SLC35F1: variants seen among roughly 807,000 people sequenced by gnomAD.
SLC35F1 encodes the protein solute carrier family 35 member F1, also known as chromosome 6 open reading frame 169.
In SLC35F1, 14 loss-of-function variants were observed where a neutral mutation model predicts 48.7. The observed-to-expected ratio is 0.29, with a 90% CI of 0.19 to 0.45. SLC35F1 has a LOEUF of 0.45. Among genes scored for constraint, SLC35F1 ranks in the 20% least tolerant of loss-of-function variants. The probability of loss-of-function intolerance (pLI) is 1.00; values close to 1 mark genes in which losing one functional copy is unlikely to be tolerated. For synonymous variants in SLC35F1, 190 were observed against 202.2 expected (o/e 0.94, Z 0.51); for missense variants, 404 against 500.0 (o/e 0.81, Z 1.83).
In SLC35F1 at chr6:118,260,182, A is replaced by C. The variant is rs958247680; in HGVS notation, c.478-6813A>C. On this transcript the variant is annotated intron_variant, in intron 3 of 7. Transcript: ENST00000360388. ...ATAGTCAGAATAGGTAAATCCATAGAGACAGAAAGTAGATTCATGTTTGCC... is the reference window on the plus strand; with the variant it reads ...ATAGTCAGAATAGGTAAATCCATAGCGACAGAAAGTAGATTCATGTTTGCC... Among the ~76,000 whole-genome samples, 8 of 152,144 alleles carry C rather than the reference A, an allele frequency of 5.3e-5. No individual in the cohort carries two copies. The South Asian group carries it at 1.0e-3, about 20-fold the overall frequency.
chr6:118,206,498 T>C (rs1774937294), intron 2 of SLC35F1, among the ~76,000 whole-genome samples: 2 of 152,238 alleles, frequency 1.3e-5, no homozygotes, highest in Admixed American at 1.3e-4. Context: ...TAAAATCAGA[T>C]TTTGAAGCTA....
At chr6:118,248,280 G>C (rs1236009364) in intron 3 of SLC35F1, among the ~76,000 whole-genome samples, 1 of 152,116 alleles carries the variant, frequency 6.6e-6, no homozygotes, top group Non-Finnish European at 1.5e-5. Flanking sequence ...AACATAGCTG[G>C]AACAGTAAGC....
intron 1 of SLC35F1, among the ~76,000 whole-genome samples, chr6:118,032,221 T>C (rs1299996848): frequency 6.6e-6 from 1 of 152,206 alleles, no homozygotes; most frequent in Non-Finnish European, 1.5e-5. Context: ...ATTTATATTT[T>C]ATAGTCTGAT....
intron 1 of SLC35F1, among the ~76,000 whole-genome samples, chr6:117,988,374 G>T (rs1192344294): frequency 6.6e-6 from 1 of 152,118 alleles, no homozygotes; most frequent in Non-Finnish European, 1.5e-5. Context: ...TCATAATTCA[G>T]TTAACTTTCT....
intron 1 of SLC35F1, among the ~76,000 whole-genome samples, chr6:117,973,899 G>A (rs574408004): frequency 1.3e-5 from 2 of 152,268 alleles, no homozygotes; most frequent in East Asian, 3.9e-4. Flanking sequence ...CAAAGTTATG[G>A]TTTCTTCCAG....
chr6:118,072,436 C>A (rs915008362), intron 1 of SLC35F1, among the ~76,000 whole-genome samples: 36 of 152,114 alleles, frequency 2.4e-4, no homozygotes, highest in African/African-American at 7.5e-4. Context: ...TGGTGGCAGG[C>A]GCCTGTAGTC....
intron 7 of SLC35F1, among the ~76,000 whole-genome samples, chr6:118,294,303 GA>G (rs1281552577): frequency 6.6e-6 from 1 of 152,130 alleles, no homozygotes; most frequent in Admixed American, 6.5e-5. Context: ...TGATTTCTTT[GA>G]TTCCTTTATT....
At chr6:118,273,242 G>T (rs1204826649) in intron 4 of SLC35F1, among the ~76,000 whole-genome samples, 1 of 152,226 alleles carries the variant, frequency 6.6e-6, no homozygotes, top group East Asian at 1.9e-4. Flanking sequence ...TAACAGTGTG[G>T]CGTTTGAAAA....
intron 1 of SLC35F1, among the ~76,000 whole-genome samples, chr6:118,081,393 G>A (rs1015167907): frequency 6.6e-6 from 1 of 152,050 alleles, no homozygotes; most frequent in South Asian, 2.1e-4. Context: ...CACTGTGGGA[G>A]GCTGAGATGG....
intron 2 of SLC35F1, among the ~76,000 whole-genome samples, chr6:118,162,416 A>T (rs1166788887): frequency 3.9e-5 from 6 of 152,142 alleles, no homozygotes; most frequent in Admixed American, 3.9e-4. Context: ...AAATTTTGGG[A>T]GGATGGAAAT....
rs180843084 is a variant in SLC35F1 at position 118,049,112 on chromosome 6, G to A, written c.174-105333G>A. On this transcript the variant is annotated intron_variant, in intron 1 of 7. Transcript: ENST00000360388. ...AAACCTGACAAAAACAAGCAATGGGGAAAGGATTCCCTATTTAATAAATGG... is the reference window on the plus strand; with the variant it reads ...AAACCTGACAAAAACAAGCAATGGGAAAAGGATTCCCTATTTAATAAATGG... Among the ~76,000 whole-genome samples the A allele has an allele frequency of 4.8e-3, 735 of 152,256 alleles. 6 individuals are homozygous for A. Among genetic ancestry groups the A allele is most frequent in the Middle Eastern group, 0.01 (3 of 294 alleles).
At chr6:117,986,576 C>A (rs1039817069) in intron 1 of SLC35F1, among the ~76,000 whole-genome samples, 1 of 152,196 alleles carries the variant, frequency 6.6e-6, no homozygotes, top group Non-Finnish European at 1.5e-5. Context: ...TCCATCCAAG[C>A]CCTGTTCCGG....
intron 1 of SLC35F1, among the ~76,000 whole-genome samples, chr6:118,027,881 A>G (rs973629408): frequency 6.6e-6 from 1 of 152,124 alleles, no homozygotes; most frequent in South Asian, 2.1e-4. Flanking sequence ...TCAGGGTGGT[A>G]TGGCAGTAGA....
At chr6:117,927,539 T>G (rs1776044385) in intron 1 of SLC35F1, among the ~76,000 whole-genome samples, 1 of 152,132 alleles carries the variant, frequency 6.6e-6, no homozygotes, top group African/African-American at 2.4e-5. Flanking sequence ...TGGGAGATGC[T>G]GGGAGCAGGG....
At chr6:118,220,334 G>C (rs894278766) in intron 2 of SLC35F1, among the ~76,000 whole-genome samples, 1 of 152,006 alleles carries the variant, frequency 6.6e-6, no homozygotes, top group African/African-American at 2.4e-5. Context: ...GGCAGGAATC[G>C]GGGGAAGTCT....
intron 4 of SLC35F1, 59 bp from the exon 5 acceptor site, chr6:118,275,400 T>C: frequency 6.5e-7 from 1 of 1,543,924 alleles, no homozygotes; most frequent in South Asian, 1.2e-5. Context: ...CGATGCCAGA[T>C]TCTTGTTAAG....
At chr6:118,003,429 C>T (rs1241704878) in intron 1 of SLC35F1, among the ~76,000 whole-genome samples, 2 of 152,196 alleles carry the variant, frequency 1.3e-5, no homozygotes, top group Non-Finnish European at 2.9e-5. Flanking sequence ...GTTCCCATGG[C>T]AACCTGCCGG....
intron 1 of SLC35F1, among the ~76,000 whole-genome samples, chr6:118,050,625 G>A (rs1371571011): frequency 6.6e-6 from 1 of 152,024 alleles, no homozygotes; most frequent in Non-Finnish European, 1.5e-5. Flanking sequence ...TTGAAGGACT[G>A]GAGGAGAGTG....
At chr6:118,281,326 A>G (rs1480715546) in intron 6 of SLC35F1, among the ~76,000 whole-genome samples, 2 of 151,994 alleles carry the variant, frequency 1.3e-5, no homozygotes, top group Non-Finnish European at 2.9e-5. Context: ...ATGTATTCAG[A>G]ATTTAAAGTC....
Sources: allele counts gnomAD v4.1 joint callset (sites outside exome capture counted in the v4.1 genomes callset), GRCh38; gene constraint gnomAD v4.1.1; transcripts MANE v1.5; gene names NCBI Gene and HGNC (gene_info 2026-07-23, HGNC 2026-07-21).